Variants in RCOR1 observed in about 807,000 individuals in gnomAD.
RCOR1 encodes the protein REST corepressor.
Under a neutral mutation model 64.0 loss-of-function variants are expected in RCOR1, and 12 were observed. That is an observed-to-expected ratio of 0.19 (90% CI 0.12 to 0.30). The LOEUF (loss-of-function observed/expected upper bound fraction) is 0.30. RCOR1 is among the 10% of genes least tolerant of loss of function. The probability of loss-of-function intolerance (pLI) is 1.00; values close to 1 mark genes in which losing one functional copy is unlikely to be tolerated. For missense variants in RCOR1, 502 were observed against 621.2 expected (o/e 0.81, Z 2.04); for synonymous variants, 279 against 227.2 (o/e 1.23, Z -2.05).
At chr14:102,627,992 C>T (rs1015594976) in intron 2 of RCOR1, among the ~76,000 whole-genome samples, 4 of 145,864 alleles carry the variant, frequency 2.7e-5, no homozygotes, top group African/African-American at 8.2e-5. Context: ...TAAAATTGAC[C>T]GACATGACTG....
intron 2 of RCOR1, among the ~76,000 whole-genome samples, chr14:102,663,975 C>T (rs1034791876): frequency 6.6e-6 from 1 of 152,154 alleles, no homozygotes; most frequent in African/African-American, 2.4e-5. Flanking sequence ...CTATACAATT[C>T]CAGTTTCTAG....
chr14:102,677,202 C>T (rs1895193474), intron 2 of RCOR1, among the ~76,000 whole-genome samples: 1 of 133,160 alleles, frequency 7.5e-6, no homozygotes, highest in African/African-American at 2.9e-5. Context: ...GCTGGCCGGG[C>T]AGGGGGCTGA....
intron 8 of RCOR1, among the ~76,000 whole-genome samples, chr14:102,719,666 A>G (rs1012265624): frequency 2.0e-5 from 3 of 152,210 alleles, no homozygotes; most frequent in African/African-American, 4.8e-5. Flanking sequence ...GAAGAGGGGT[A>G]TAGGCTACTG....
At position 102,592,956 on chromosome 14, in the gene RCOR1, TCCGCCTCCG is replaced by T. The variant is rs1252489647; in HGVS notation, c.76_84del (p.Ser26_Ala28del). 8 of 1,174,186 alleles carry T rather than the reference TCCGCCTCCG, an allele frequency of 6.8e-6. No individual in the cohort carries two copies. The highest frequency in any genetic ancestry group is 5.0e-5 in the African/African-American group (3 of 60,454). 72.7% of individuals were successfully genotyped at this position (1,174,186 alleles called of 1,614,324 possible). On this transcript the variant is annotated inframe_deletion, in exon 1 of 12. Coordinates refer to ENST00000262241, the MANE Select transcript of RCOR1 (RefSeq NM_015156.4). ...GAGAGGGAGGAACAACGCGGCCGCCTCCGCCTCCGCCGCCGCCGCCTCCGCCGCCGCCTC... is the reference window on the plus strand; with the variant it reads ...GAGAGGGAGGAACAACGCGGCCGCCTCCGCCGCCGCCTCCGCCGCCGCCTC...
intron 2 of RCOR1, among the ~76,000 whole-genome samples, chr14:102,610,863 C>T (rs759541642): frequency 6.6e-6 from 1 of 151,646 alleles, no homozygotes; most frequent in Non-Finnish European, 1.5e-5. Flanking sequence ...CCAAAAGCTT[C>T]GTTATTATTA....
intron 4 of RCOR1, among the ~76,000 whole-genome samples, chr14:102,702,821 G>A (rs1227601442): frequency 2.6e-5 from 4 of 152,124 alleles, no homozygotes; most frequent in Non-Finnish European, 5.9e-5. Context: ...AAATCACAGA[G>A]CATACAAAGA....
Position 102,593,063 on chromosome 14 carries a change from C to T in RCOR1, c.177C>T (p.Ala59=). 6 of 1,405,490 alleles carry T rather than the reference C, an allele frequency of 4.3e-6. No individual in the cohort carries two copies. Among genetic ancestry groups the T allele is most frequent in the East Asian group, 3.1e-5 (1 of 31,962 alleles). The allele number at this position is 1,405,490 out of a possible 1,614,324, so 87.1% of individuals were successfully genotyped here. The change falls in exon 1 of 12, where the codon GCC becomes GCT. Residue 59 remains alanine, a synonymous_variant. Transcript: ENST00000262241. ...AAASSASAAA[A]SAAAAPNNGQ... is the part of the protein sequence containing the mutation. ...CCTCCTCAGCCTCGGCCGCCGCCGC[C>T]TCAGCCGCCGCCGCCCCCAATAATG...
intron 2 of RCOR1, among the ~76,000 whole-genome samples, chr14:102,641,968 G>C (rs1379497388): frequency 1.3e-5 from 2 of 152,058 alleles, no homozygotes; most frequent in Non-Finnish European, 2.9e-5. Context: ...GAATCTGCAT[G>C]TATTAAAAAA....
rs749798413 is a variant in RCOR1, at chr14:102,722,380, A to G, written c.1383A>G (p.Pro461=). The part of the protein sequence containing the change: ...GPSNQKPVKS[P]DNSIKMPEEE... Reference sequence around the variant, plus strand: ...GTAACCAGAAGCCTGTGAAGTCCCCAGATAATTCCATTAAGATGCCCGAAG... The same window carrying G: ...GTAACCAGAAGCCTGTGAAGTCCCCGGATAATTCCATTAAGATGCCCGAAG... The change falls in exon 11 of 12, where the codon CCA becomes CCG. Residue 461 remains proline, a synonymous_variant. Coordinates refer to ENST00000262241, the MANE Select transcript of RCOR1 (RefSeq NM_015156.4). The G allele has an allele frequency of 1.9e-6, 3 of 1,613,886 alleles. No homozygotes were observed. Among genetic ancestry groups the G allele is most frequent in the Non-Finnish European group, 2.5e-6 (3 of 1,179,946 alleles).
intron 2 of RCOR1, among the ~76,000 whole-genome samples, chr14:102,674,600 TTACTA>T (rs1895100976): frequency 6.6e-6 from 1 of 152,198 alleles, no homozygotes; most frequent in Non-Finnish European, 1.5e-5. Context: ...CACGTCCACT[TTACTA>T]TACATTGCCA....
chr14:102,638,724 G>A (rs1284353172), intron 2 of RCOR1, among the ~76,000 whole-genome samples: 1 of 151,984 alleles, frequency 6.6e-6, no homozygotes, highest in Non-Finnish European at 1.5e-5. Context: ...CTGGAGTGCA[G>A]TGGCACAATC....
At chr14:102,702,133 A>G (rs535889682) in intron 4 of RCOR1, among the ~76,000 whole-genome samples, 2 of 152,324 alleles carry the variant, frequency 1.3e-5, no homozygotes, top group South Asian at 4.1e-4. Context: ...TACAACCTGG[A>G]AGTTACTGAC....
intron 2 of RCOR1, among the ~76,000 whole-genome samples, chr14:102,666,662 T>A (rs1317091271): frequency 6.6e-6 from 1 of 152,248 alleles, no homozygotes; most frequent in Non-Finnish European, 1.5e-5. Context: ...TAAGAAGTAC[T>A]AATCAGAAAT....
intron 2 of RCOR1, among the ~76,000 whole-genome samples, chr14:102,640,263 C>A (rs535173320): frequency 9.2e-5 from 14 of 152,294 alleles, no homozygotes; most frequent in African/African-American, 3.1e-4. Context: ...GCCGCTGTGC[C>A]CAGCCTAGTC....
intron 2 of RCOR1, chr14:102,662,350 A>G (rs1328745078): frequency 3.5e-6 from 2 of 567,018 alleles, no homozygotes; most frequent in Non-Finnish European, 6.8e-6. Context: ...ACCGGGCCAC[A>G]TCAATGTCAT....
intron 2 of RCOR1, among the ~76,000 whole-genome samples, chr14:102,635,540 A>G (rs2139915143): frequency 6.6e-6 from 1 of 152,310 alleles, no homozygotes; most frequent in South Asian, 2.1e-4. Flanking sequence ...TTATTAAAAT[A>G]TGTATATACA....
At chr14:102,661,378 T>C (rs1305232042) in intron 2 of RCOR1, among the ~76,000 whole-genome samples, 1 of 152,078 alleles carries the variant, frequency 6.6e-6, no homozygotes, top group Non-Finnish European at 1.5e-5. Context: ...TCACTTATAA[T>C]TATGTGGGCT....
chr14:102,679,777 C>G (rs767061507), intron 2 of RCOR1, among the ~76,000 whole-genome samples: 1 of 152,194 alleles, frequency 6.6e-6, no homozygotes, highest in Non-Finnish European at 1.5e-5. Flanking sequence ...TGCACCTGGC[C>G]TTTTCTCTGT....
At chr14:102,632,003 T>A (rs1894122127) in intron 2 of RCOR1, among the ~76,000 whole-genome samples, 1 of 151,348 alleles carries the variant, frequency 6.6e-6, no homozygotes. Flanking sequence ...AGAGACGGGG[T>A]TTCACCATGT....
Sources: allele counts gnomAD v4.1 joint callset (sites outside exome capture counted in the v4.1 genomes callset), GRCh38; gene constraint gnomAD v4.1.1; transcripts MANE v1.5; gene names NCBI Gene and HGNC (gene_info 2026-07-23, HGNC 2026-07-21).